Variants in GRAMD4 observed in about 807,000 individuals in gnomAD.
GRAMD4 encodes GRAM domain-containing protein 4.
Under a neutral mutation model 83.9 loss-of-function variants are expected in GRAMD4, and 25 were observed. That is an observed-to-expected ratio of 0.30 (90% CI 0.22 to 0.42). The LOEUF (loss-of-function observed/expected upper bound fraction) is 0.42, where lower values mean the gene tolerates loss of function less well. Ranked by LOEUF, GRAMD4 falls within the 10% of genes least tolerant of loss-of-function variation. The probability of loss-of-function intolerance (pLI) is 1.00; values close to 1 mark genes in which losing one functional copy is unlikely to be tolerated. For synonymous variants in GRAMD4, 336 were observed against 320.9 expected, an observed-to-expected ratio of 1.05 and a Z score of -0.50; for missense variants, 593 against 788.7, an observed-to-expected ratio of 0.75 and a Z score of 2.97.
At chr22:46,605,498 C>G (rs1019739402) in intron 1 of GRAMD4, among the ~76,000 whole-genome samples, 2 of 152,248 alleles carry the variant, frequency 1.3e-5, no homozygotes, top group African/African-American at 4.8e-5. Context: ...TATGGTAGTT[C>G]TATTTTTCGT....
rs560127956 is a variant in GRAMD4, at chr22:46,597,692, T to C, written c.-50+20402T>C. 3.6e-3 allele frequency among the ~76,000 whole-genome samples: 541 copies of C among 152,188 alleles called. 3 individuals are homozygous for C. The highest frequency in any genetic ancestry group is 0.014 in the Middle Eastern group (4 of 294). On this transcript the variant is annotated intron_variant, in intron 1 of 1. Transcript: ENST00000431155. Reference sequence around the variant, plus strand: ...TTTTAGTAGAGACGGGGTTTCACCGTGTTAGCCAGGATGGTCTCGATCTCC... The same window carrying C: ...TTTTAGTAGAGACGGGGTTTCACCGCGTTAGCCAGGATGGTCTCGATCTCC...
chr22:46,634,069 G>A (rs527621280), intron 2 of GRAMD4, among the ~76,000 whole-genome samples: 1 of 152,360 alleles, frequency 6.6e-6, no homozygotes, highest in Non-Finnish European at 1.5e-5. Flanking sequence ...GCACACACCT[G>A]CCCTCTGTAC....
At chr22:46,635,317 A>C (rs1427463385) in intron 2 of GRAMD4, among the ~76,000 whole-genome samples, 4 of 5,374 alleles carry the variant, frequency 7.4e-4, no homozygotes, top group Admixed American at 1.8e-3. Flanking sequence ...GTCCTGGGGG[A>C]CCGTGTCCTC....
Position 46,677,819 on chromosome 22 carries a change from C to G in GRAMD4, c.*568C>G, listed in dbSNP as rs1398468924. On this transcript the variant is annotated 3_prime_UTR_variant, in exon 19 of 19. Coordinates refer to ENST00000406902, the MANE Select transcript of GRAMD4 (RefSeq NM_015124.5). The stretch of plus-strand genomic sequence containing the variant: ...CCTCCTGTGGCATTTGCCCTTGGTG[C>G]CGGGCTGGGGCCGGGCGCAGTGACC... The G allele has an allele frequency of 5.1e-6, 5 of 985,572 alleles. No homozygotes were observed. The highest frequency in any genetic ancestry group is 6.0e-6 in the Non-Finnish European group (5 of 830,122). 61.1% of individuals were successfully genotyped at this position (985,572 alleles called of 1,614,324 possible).
intron 1 of GRAMD4, among the ~76,000 whole-genome samples, chr22:46,624,324 CTTTTTTTTTTTTT>C (rs577618843): frequency 0.013 from 935 of 69,572 alleles, 33 homozygotes; most frequent in Middle Eastern, 0.071. Context: ...TTCCCTCTTC[CTTTTTTTTTTTTT>C]TTTTTTTTTT....
At chr22:46,591,814 C>T (rs1293119147) in intron 1 of GRAMD4, among the ~76,000 whole-genome samples, 4 of 116,244 alleles carry the variant, frequency 3.4e-5, no homozygotes, top group African/African-American at 6.9e-5. Context: ...GCCTGGGTGA[C>T]AGAGCGAGAC....
In GRAMD4 at chr22:46,673,879, G is replaced by A. The variant is rs1260730832; in HGVS notation, c.1384+65G>A. 2.6e-6 allele frequency: 4 copies of A among 1,566,820 alleles called. No homozygotes were observed. The Admixed American group carries it at 5.0e-5, about 20-fold the overall frequency. On this transcript the variant is annotated intron_variant, in intron 15 of 18. Coordinates refer to ENST00000406902, the MANE Select transcript of GRAMD4 (RefSeq NM_015124.5). ...CACAGACTGAAGGCCCGTGAGGGGGGCGCTGTGGATGCAGGACGGGGTCGC... is the reference window on the plus strand; with the variant it reads ...CACAGACTGAAGGCCCGTGAGGGGGACGCTGTGGATGCAGGACGGGGTCGC...
chr22:46,641,026 G>A (rs967380300), intron 3 of GRAMD4, among the ~76,000 whole-genome samples: 1 of 151,100 alleles, frequency 6.6e-6, no homozygotes, highest in Non-Finnish European at 1.5e-5. Flanking sequence ...GGATCGAGCC[G>A]CTGCACTCCA....
chr22:46,600,676 C>G (rs1305915046), intron 1 of GRAMD4, among the ~76,000 whole-genome samples: 2 of 152,324 alleles, frequency 1.3e-5, no homozygotes, highest in Admixed American at 1.3e-4. Flanking sequence ...GAGCCCCTTA[C>G]AGCCTCAAGC....
intron 3 of GRAMD4, among the ~76,000 whole-genome samples, chr22:46,641,507 C>T (rs971506623): frequency 3.3e-5 from 5 of 152,172 alleles, no homozygotes; most frequent in Admixed American, 6.5e-5. Flanking sequence ...GTGCTGTGCT[C>T]GGTGGTGTCT....
chr22:46,609,794 A>C (rs1370622227), intron 1 of GRAMD4, among the ~76,000 whole-genome samples: 1 of 152,206 alleles, frequency 6.6e-6, no homozygotes, highest in Non-Finnish European at 1.5e-5. Context: ...GGCGGTGCTT[A>C]GGGCTGGCTC....
rs1326503450 is a variant in GRAMD4 at position 46,620,608 on chromosome 22, C to T, written c.-50+43C>T. 1 of 700,602 alleles carries T rather than the reference C, an allele frequency of 1.4e-6. No homozygotes were observed. Among genetic ancestry groups the T allele is most frequent in the Non-Finnish European group, 1.8e-6 (1 of 569,684 alleles). The allele number at this position is 700,602 out of a possible 1,614,324, so 43.4% of individuals were successfully genotyped here. A position where few individuals can be genotyped will look rare whatever the true frequency, so the allele number is the denominator to read the frequency against. On this transcript the variant is annotated intron_variant, in intron 1 of 18. Transcript: ENST00000406902. The surrounding 1 kb of genome is among the most constrained non-coding windows in gnomAD (Gnocchi z 4.7). ...GGGGGCAGGGGGACATGGTAGGGCC[C>T]ATCTGAGTGGAAGCCCCAGCCTTGG... is the stretch of plus-strand genomic sequence containing the variant.
At chr22:46,584,175 AG>A (rs2081124907) in intron 1 of GRAMD4, among the ~76,000 whole-genome samples, 2 of 151,860 alleles carry the variant, frequency 1.3e-5, no homozygotes, top group Admixed American at 1.3e-4. Flanking sequence ...CTCCAGGCTC[AG>A]CTTGTCCATT....
intron 3 of GRAMD4, among the ~76,000 whole-genome samples, chr22:46,657,852 C>T (rs182428646): frequency 1.8e-4 from 27 of 152,308 alleles, no homozygotes; most frequent in East Asian, 1.2e-3. Flanking sequence ...GTGTCCTCAG[C>T]GTGGCGGTGC....
chr22:46,593,529 T>C (rs1235007651), intron 1 of GRAMD4, among the ~76,000 whole-genome samples: 1 of 151,812 alleles, frequency 6.6e-6, no homozygotes, highest in African/African-American at 2.4e-5. Flanking sequence ...GGTGGGCTAG[T>C]GTTGCATTAA....
chr22:46,666,885 GA>G lies in GRAMD4; in HGVS notation c.858+13del. On this transcript the variant is annotated intron_variant, in intron 10 of 18. Transcript: ENST00000406902. ...TGTCTGAGCCCGTGGTAAGTCCCTGGAGGGTGCACGGTCTCCTCCGACTGTC... is the reference window on the plus strand; with the variant it reads ...TGTCTGAGCCCGTGGTAAGTCCCTGGGGGTGCACGGTCTCCTCCGACTGTC... 2 of 1,569,352 alleles carry G rather than the reference GA, an allele frequency of 1.3e-6. No individual in the cohort carries two copies. Among genetic ancestry groups the G allele is most frequent in the Non-Finnish European group, 1.7e-6 (2 of 1,154,600 alleles).
At position 46,677,269 on chromosome 22, in the gene GRAMD4, C is replaced by T. The variant is rs778777056; in HGVS notation, c.*18C>T. The T allele has an allele frequency of 1.6e-5, 25 of 1,575,396 alleles. No homozygotes were observed. Among genetic ancestry groups the T allele is most frequent in the Middle Eastern group, 1.7e-4 (1 of 5,880 alleles). On this transcript the variant is annotated 3_prime_UTR_variant, in exon 19 of 19. Coordinates refer to ENST00000406902, the MANE Select transcript of GRAMD4 (RefSeq NM_015124.5). ...ACAGCTAGTATTGACTTGCCCAGGA[C>T]GTTGCTGGAATTTTCTTTTTCTTTT...
chr22:46,602,431 G>A (rs1210105634), intron 1 of GRAMD4, among the ~76,000 whole-genome samples: 1 of 152,116 alleles, frequency 6.6e-6, no homozygotes, highest in Non-Finnish European at 1.5e-5. Context: ...TAGCCCCAAC[G>A]CTTTGCGAGA....
intron 1 of GRAMD4, among the ~76,000 whole-genome samples, chr22:46,594,100 G>C (rs1357085163): frequency 6.6e-6 from 1 of 151,234 alleles, no homozygotes; most frequent in Admixed American, 6.6e-5. Flanking sequence ...TTGATACCCA[G>C]CATCCTGCCA....
Sources: gnomAD v4.1 joint callset for allele counts (sites outside exome capture counted in the v4.1 genomes callset) on GRCh38, gnomAD v4.1.1 for gene constraint, Gnocchi (gnomAD v3.1) non-coding constraint, MANE v1.5 for transcripts, NCBI Gene and HGNC (gene_info 2026-07-23, HGNC 2026-07-21) for gene names.